ZYG11B: variants seen among roughly 807,000 people sequenced by gnomAD.
ZYG11B encodes the protein protein zyg-11 homolog B.
Under a neutral mutation model 82.4 loss-of-function variants are expected in ZYG11B, and 36 were observed. The observed-to-expected ratio is 0.44, with a 90% CI of 0.33 to 0.58. ZYG11B has a LOEUF of 0.58. Among genes scored for constraint, ZYG11B ranks in the 20% least tolerant of loss-of-function variants. ZYG11B has a pLI of 0.02. For synonymous variants in ZYG11B, 303 were observed against 312.8 expected (o/e 0.97, Z 0.33); for missense variants, 552 against 895.6 (o/e 0.62, Z 4.90).
At chr1:52,812,820 G>A (rs1005185325) in intron 10 of ZYG11B, among the ~76,000 whole-genome samples, 2 of 151,644 alleles carry the variant, frequency 1.3e-5, no homozygotes, top group African/African-American at 2.4e-5. Flanking sequence ...TCTGCCTCCC[G>A]GGTTTAGGTG....
At chr1:52,759,084 A>T (rs1644604460) in intron 2 of ZYG11B, among the ~76,000 whole-genome samples, 2 of 152,072 alleles carry the variant, frequency 1.3e-5, no homozygotes, top group Admixed American at 6.6e-5. Context: ...GGTGCCCACC[A>T]ACACGCCCAG....
intron 10 of ZYG11B, among the ~76,000 whole-genome samples, chr1:52,810,775 C>G (rs1018598150): frequency 5.3e-5 from 8 of 152,156 alleles, no homozygotes; most frequent in Non-Finnish European, 1.2e-4. Context: ...TGGCTCACAC[C>G]TGTAATCCCA....
At chr1:52,730,700 C>T (rs112942296) in intron 1 of ZYG11B, among the ~76,000 whole-genome samples, 5,379 of 152,020 alleles carry the variant, frequency 0.035, 291 homozygotes, top group African/African-American at 0.12. Flanking sequence ...AAGTTGATAG[C>T]TGGGCATGGT....
intron 4 of ZYG11B, among the ~76,000 whole-genome samples, chr1:52,783,898 G>GTGTGTGTATGTACATACACGTA (rs1571776237): frequency 3.0e-5 from 3 of 98,706 alleles, no homozygotes; most frequent in African/African-American, 1.7e-4. Context: ...ACATACACGT[G>GTGTGTGTATGTACATACACGTA]TGTGTATATA....
chr1:52,817,802 TATATATATATATA>T (rs1474780282), intron 13 of ZYG11B, among the ~76,000 whole-genome samples: 6 of 51,692 alleles, frequency 1.2e-4, no homozygotes, highest in African/African-American at 3.2e-4. Flanking sequence ...TATATATATA[TATATATATATATA>T]TTTTTTTTTT....
intron 2 of ZYG11B, among the ~76,000 whole-genome samples, chr1:52,758,005 G>C (rs982934439): frequency 5.3e-5 from 8 of 151,852 alleles, no homozygotes; most frequent in African/African-American, 1.9e-4. Context: ...TTCGAGACCA[G>C]CCTGACCCAC....
chr1:52,744,110 T>A (rs1430052552), intron 1 of ZYG11B, among the ~76,000 whole-genome samples: 7 of 152,038 alleles, frequency 4.6e-5, no homozygotes, highest in Admixed American at 3.9e-4. Flanking sequence ...CTAATTTTTT[T>A]ATTTTTAGTA....
chr1:52,811,048 A>G (rs1024408797), intron 10 of ZYG11B, among the ~76,000 whole-genome samples: 1 of 109,406 alleles, frequency 9.1e-6, no homozygotes, highest in Non-Finnish European at 1.7e-5. Flanking sequence ...AAAAAAAAAA[A>G]AAAAGAGAAA....
chr1:52,750,247 G>A (rs12065536), intron 1 of ZYG11B, among the ~76,000 whole-genome samples: 15,593 of 151,000 alleles, frequency 0.1, 1,795 homozygotes, highest in East Asian at 0.35. Context: ...GCAAGTGTGA[G>A]CCACTCTGCC....
intron 5 of ZYG11B, among the ~76,000 whole-genome samples, chr1:52,785,296 A>G (rs1405351491): frequency 6.6e-6 from 1 of 152,124 alleles, no homozygotes; most frequent in African/African-American, 2.4e-5. Context: ...CTAGATCTTG[A>G]GTTTGTGATC....
chr1:52,740,574 T>TTC (rs1644415560), intron 1 of ZYG11B, among the ~76,000 whole-genome samples: 1 of 150,472 alleles, frequency 6.6e-6, no homozygotes, highest in Non-Finnish European at 1.5e-5. Context: ...TCTTTTTTTT[T>TTC]TTTTTTTTTT....
At chr1:52,784,209 C>T (rs1217499972) in intron 4 of ZYG11B, among the ~76,000 whole-genome samples, 1 of 152,074 alleles carries the variant, frequency 6.6e-6, no homozygotes, top group African/African-American at 2.4e-5. Flanking sequence ...CCAGGCTGGT[C>T]TCAAACTCCT....
chr1:52,740,713 G>A (rs561655183), intron 1 of ZYG11B, among the ~76,000 whole-genome samples: 7 of 151,828 alleles, frequency 4.6e-5, no homozygotes, highest in South Asian at 2.1e-4. Flanking sequence ...ACAGGCATGC[G>A]CCACCACCCT....
intron 1 of ZYG11B, among the ~76,000 whole-genome samples, chr1:52,727,798 G>T (rs1366704936): frequency 6.6e-6 from 1 of 152,024 alleles, no homozygotes; most frequent in African/African-American, 2.4e-5. Flanking sequence ...CATTGAGTTG[G>T]GTTATAAGTG....
Position 52,826,980 on chromosome 1 carries a change from T to G in ZYG11B, c.*5351T>G, listed in dbSNP as rs1645330414. 6.6e-6 allele frequency: 1 copy of G among 151,884 alleles called. No homozygotes were observed. The highest frequency in any genetic ancestry group is 2.4e-5 in the African/African-American group (1 of 41,166). The allele number at this position is 151,884 out of a possible 1,614,324, so 9.4% of individuals were successfully genotyped here. A position where few individuals can be genotyped will look rare whatever the true frequency, so the allele number is the denominator to read the frequency against. On this transcript the variant is annotated 3_prime_UTR_variant, in exon 14 of 14. Coordinates refer to ENST00000294353, the MANE Select transcript of ZYG11B (RefSeq NM_024646.3). ...GCATTGTTTTTCCTTAAAAACTTTA[T>G]ACTCTCAGATAATCTGCAACAACAA...
chr1:52,756,748 A>G (rs755751794), intron 2 of ZYG11B, 125 bp downstream of exon 2: 4 of 795,936 alleles, frequency 5.0e-6, no homozygotes, highest in Non-Finnish European at 7.6e-6. Context: ...GCCTGATTCC[A>G]GGACTATGAA....
rs1267851230 is a variant in ZYG11B at position 52,825,832 on chromosome 1, A to G, written c.*4203A>G. 1 of 152,096 alleles carries G rather than the reference A, an allele frequency of 6.6e-6. No individual in the cohort carries two copies. Among genetic ancestry groups the G allele is most frequent in the Admixed American group, 6.6e-5 (1 of 15,256 alleles). 9.4% of individuals were successfully genotyped at this position (152,096 alleles called of 1,614,324 possible). A position where few individuals can be genotyped will look rare whatever the true frequency, so the allele number is the denominator to read the frequency against. ...GTGTTTTTAATTATGCCATGCATCA[A>G]CATAACACCGGGCCATCTTCCTATC... On this transcript the variant is annotated 3_prime_UTR_variant, in exon 14 of 14. Coordinates refer to ENST00000294353, the MANE Select transcript of ZYG11B (RefSeq NM_024646.3).
intron 3 of ZYG11B, among the ~76,000 whole-genome samples, chr1:52,779,193 A>G (rs1388826167): frequency 1.3e-5 from 2 of 152,278 alleles, no homozygotes; most frequent in East Asian, 1.9e-4. Context: ...AAAGGTGAGG[A>G]AAAAAGGTCA....
At chr1:52,802,344 T>C (rs1645082685) in intron 10 of ZYG11B, among the ~76,000 whole-genome samples, 1 of 122,090 alleles carries the variant, frequency 8.2e-6, no homozygotes, top group African/African-American at 4.6e-5. Flanking sequence ...TTCTCTCTTT[T>C]TTTTTTTTTT....
Sources: gnomAD v4.1 joint callset for allele counts (sites outside exome capture counted in the v4.1 genomes callset) on GRCh38, gnomAD v4.1.1 for gene constraint, MANE v1.5 for transcripts, NCBI Gene and HGNC (gene_info 2026-07-23, HGNC 2026-07-21) for gene names.